Variants in WWOX observed in about 807,000 individuals in gnomAD.
WWOX encodes the protein WW domain containing oxidoreductase, also known as WW domain-containing oxidoreductase.
WWOX carries 69 observed loss-of-function variants against 46.2 expected under a neutral mutation model. The ratio of observed to expected loss-of-function variants is 1.49; its 90% CI spans 1.23 to 1.82. The LOEUF is 1.82. Among genes scored for constraint, WWOX ranks in the 40% most tolerant of loss-of-function variants. The pLI is 0.00. For synonymous variants in WWOX, 359 were observed against 202.6 expected (o/e 1.77, Z -6.56); for missense variants, 919 against 542.6 (o/e 1.69, Z -6.89).
At chr16:78,413,998 C>T (rs72628249) in intron 6 of WWOX, among the ~76,000 whole-genome samples, 52 of 151,810 alleles carry the variant, frequency 3.4e-4, no homozygotes, top group African/African-American at 9.7e-4. Flanking sequence ...AGTGAAATAG[C>T]CAGTTCTTGC....
At chr16:78,371,648 AATT>A (rs1296385893) in intron 5 of WWOX, among the ~76,000 whole-genome samples, 2 of 152,070 alleles carry the variant, frequency 1.3e-5, no homozygotes, top group Non-Finnish European at 2.9e-5. Flanking sequence ...ATTCTTGCTT[AATT>A]ATTTTTCCCT....
chr16:78,835,936 A>G (rs1394604385), intron 8 of WWOX, among the ~76,000 whole-genome samples: 1 of 152,224 alleles, frequency 6.6e-6, no homozygotes, highest in East Asian at 1.9e-4. Context: ...TGAGACTAAC[A>G]ACAAGGAAAT....
intron 8 of WWOX, among the ~76,000 whole-genome samples, chr16:78,530,638 A>G (rs1391038505): frequency 1.3e-5 from 2 of 152,120 alleles, no homozygotes; most frequent in Non-Finnish European, 2.9e-5. Flanking sequence ...GAGTGGAAAA[A>G]CAGGGATATA....
At position 78,930,377 on chromosome 16, in the gene WWOX, A is replaced by C. The variant is rs150849437; in HGVS notation, c.1057-281231A>C. On this transcript the variant is annotated intron_variant, in intron 8 of 8. Transcript: ENST00000566780. ...ACTGCAGCCTCAACCTCCTGGGCTC[A>C]GGCGATCCTCACACCTTAGCCTCCT... Among the ~76,000 whole-genome samples, 95 of 149,810 alleles carry C rather than the reference A, an allele frequency of 6.3e-4. 1 individual carries two copies. The highest frequency in any genetic ancestry group is 2.3e-3 in the African/African-American group (92 of 40,670).
intron 8 of WWOX, among the ~76,000 whole-genome samples, chr16:79,067,985 C>G (rs531123907): frequency 2.6e-5 from 4 of 152,308 alleles, no homozygotes; most frequent in African/African-American, 7.2e-5. Context: ...AAAGCCTGCA[C>G]AAAAGCAGAA....
chr16:79,014,798 T>C (rs763206016), intron 8 of WWOX, among the ~76,000 whole-genome samples: 19 of 152,244 alleles, frequency 1.2e-4, no homozygotes, highest in Non-Finnish European at 2.2e-4. Context: ...CTTACTATGC[T>C]ATTTTTGGTT....
At chr16:79,121,332 C>T (rs914673466) in intron 8 of WWOX, among the ~76,000 whole-genome samples, 3 of 152,148 alleles carry the variant, frequency 2.0e-5, no homozygotes, top group African/African-American at 4.8e-5. Context: ...TCTCCATAGT[C>T]GCAGTCAGTA....
chr16:78,409,790 C>T (rs78357783), intron 6 of WWOX, among the ~76,000 whole-genome samples: 2 of 152,212 alleles, frequency 1.3e-5, no homozygotes, highest in Non-Finnish European at 2.9e-5. Flanking sequence ...TAAAGGTCAC[C>T]CACAACATCT....
intron 6 of WWOX, among the ~76,000 whole-genome samples, chr16:78,410,719 C>T (rs59649684): frequency 0.1 from 15,593 of 148,740 alleles, 2,313 homozygotes; most frequent in African/African-American, 0.34. Context: ...GGCTGGAGAA[C>T]AGCTTCAAAA....
At chr16:79,018,126 A>G (rs956168164) in intron 8 of WWOX, among the ~76,000 whole-genome samples, 1 of 152,206 alleles carries the variant, frequency 6.6e-6, no homozygotes, top group African/African-American at 2.4e-5. Flanking sequence ...AGGCAGAGGT[A>G]TCATGGCCTT....
chr16:78,967,187 C>G (rs140959767), intron 8 of WWOX, among the ~76,000 whole-genome samples: 3 of 151,582 alleles, frequency 2.0e-5, no homozygotes, highest in Non-Finnish European at 4.4e-5. Flanking sequence ...CTGAGAGATA[C>G]CTGGAAGGAA....
At chr16:79,059,135 G>A (rs2048316360) in intron 8 of WWOX, among the ~76,000 whole-genome samples, 1 of 152,176 alleles carries the variant, frequency 6.6e-6, no homozygotes, top group Non-Finnish European at 1.5e-5. Context: ...AATTCACAGG[G>A]AGTCATAAAC....
intron 5 of WWOX, among the ~76,000 whole-genome samples, chr16:78,181,568 G>A (rs974055307): frequency 2.0e-5 from 3 of 152,200 alleles, no homozygotes; most frequent in African/African-American, 7.2e-5. Flanking sequence ...GGGATCCACA[G>A]TGAAATCTAC....
intron 5 of WWOX, among the ~76,000 whole-genome samples, chr16:78,324,008 C>G (rs543094221): frequency 8.5e-5 from 13 of 152,228 alleles, no homozygotes; most frequent in African/African-American, 3.1e-4. Flanking sequence ...TTCACTTTCC[C>G]CTATGAGATT....
chr16:78,153,324 G>A (rs1227010836), intron 4 of WWOX, among the ~76,000 whole-genome samples: 2 of 152,166 alleles, frequency 1.3e-5, no homozygotes, highest in Non-Finnish European at 2.9e-5. Context: ...TCATGTCACT[G>A]TAATTTCATT....
chr16:78,650,326 T>G (rs1425774460), intron 8 of WWOX, among the ~76,000 whole-genome samples: 1 of 152,210 alleles, frequency 6.6e-6, no homozygotes, highest in Non-Finnish European at 1.5e-5. Context: ...TACTGCTGTC[T>G]GTAAAAATAC....
At chr16:78,438,143 C>T (rs1288792249) in intron 8 of WWOX, among the ~76,000 whole-genome samples, 4 of 152,034 alleles carry the variant, frequency 2.6e-5, no homozygotes, top group East Asian at 3.9e-4. Context: ...CCAGATACCA[C>T]GATGCTTTAT....
At chr16:78,470,891 G>T (rs2084205122) in intron 8 of WWOX, among the ~76,000 whole-genome samples, 2 of 152,176 alleles carry the variant, frequency 1.3e-5, no homozygotes, top group African/African-American at 4.8e-5. Context: ...TACTCTACAG[G>T]CTGGAACAGG....
intron 8 of WWOX, among the ~76,000 whole-genome samples, chr16:78,590,208 T>A (rs2151601202): frequency 6.6e-6 from 1 of 152,014 alleles, no homozygotes; most frequent in South Asian, 2.1e-4. Context: ...AGAAATTTAT[T>A]TCTCGTGGTT....
Sources: gnomAD v4.1 joint callset for allele counts (sites outside exome capture counted in the v4.1 genomes callset) on GRCh38, gnomAD v4.1.1 for gene constraint, MANE v1.5 for transcripts, NCBI Gene and HGNC (gene_info 2026-07-23, HGNC 2026-07-21) for gene names.